Variants in ATOSB observed in about 807,000 individuals in gnomAD.
The protein encoded by ATOSB is atos homolog B.
chr9:35,105,613 G>T, the ATOSB span: 1 of 1,515,264 alleles, frequency 6.6e-7, no homozygotes, highest in Non-Finnish European at 9.1e-7. The surrounding 1 kb of genome is among the most constrained non-coding windows in gnomAD (Gnocchi z 5.5). Flanking sequence ...CAGTATCGAA[G>T]CAAGGAGAGA....
chr9:35,111,592 G>T, the ATOSB span: 20 of 151,062 alleles, frequency 1.3e-4, no homozygotes, highest in African/African-American at 4.9e-4. Context: ...AGCTGATGGG[G>T]CCGCCCGCCC....
the ATOSB span, among the ~76,000 whole-genome samples, chr9:35,112,925 C>T: frequency 6.6e-6 from 1 of 152,122 alleles, no homozygotes; most frequent in Non-Finnish European, 1.5e-5. Flanking sequence ...ACTTGGGAGA[C>T]ACAAGCAAGT....
the ATOSB span, among the ~76,000 whole-genome samples, chr9:35,115,193 G>C: frequency 2.6e-5 from 4 of 152,154 alleles, no homozygotes; most frequent in African/African-American, 9.6e-5. Context: ...ATCCAAAATA[G>C]ACTGAGGAGA....
At chr9:35,115,676 T>G in the ATOSB span, 1 of 146,538 alleles carries the variant, frequency 6.8e-6, no homozygotes, top group Non-Finnish European at 1.5e-5. Flanking sequence ...TGCACCTTGT[T>G]GCCCACACAT....
At chr9:35,106,034 C>G in the ATOSB span, 1 of 1,607,016 alleles carries the variant, frequency 6.2e-7, no homozygotes, top group Non-Finnish European at 8.5e-7. The surrounding 1 kb of genome is among the most constrained non-coding windows in gnomAD (Gnocchi z 4.6). Flanking sequence ...AGCCATCAGT[C>G]AAGGTGGGGA....
the ATOSB span, chr9:35,107,333 AAAAAAAAAAAGT>A: frequency 1.9e-6 from 3 of 1,552,436 alleles, no homozygotes; most frequent in Non-Finnish European, 2.6e-6. Context: ...AAAAAAAAAA[AAAAAAAAAAAGT>A]AAAAAAAGAG....
chr9:35,110,701 G>A, the ATOSB span: 1 of 152,284 alleles, frequency 6.6e-6, no homozygotes, highest in Admixed American at 6.5e-5. Flanking sequence ...AGGGAGCAAG[G>A]CCAGCAAAAA....
At chr9:35,106,862 C>G in the ATOSB span, 3 of 1,573,152 alleles carry the variant, frequency 1.9e-6, no homozygotes, top group Non-Finnish European at 2.6e-6. The surrounding 1 kb of genome is among the most constrained non-coding windows in gnomAD (Gnocchi z 4.6). Context: ...CTTTCAGCCT[C>G]CGCCCCATGG....
At chr9:35,107,682 C>T in the ATOSB span, 8 of 1,609,434 alleles carry the variant, frequency 5.0e-6, no homozygotes, top group Non-Finnish European at 6.8e-6. Context: ...TGGGCTCTTA[C>T]CCCCTATTTG....
chr9:35,112,285 G>C, the ATOSB span: 1 of 117,810 alleles, frequency 8.5e-6, no homozygotes. Flanking sequence ...TTGTGCCTCT[G>C]AACTCCCTTT....
At chr9:35,114,915 T>A in the ATOSB span, among the ~76,000 whole-genome samples, 1 of 151,996 alleles carries the variant, frequency 6.6e-6, no homozygotes, top group African/African-American at 2.4e-5. Flanking sequence ...TGCCGCTGGT[T>A]ACCAGGGTCT....
At chr9:35,113,106 A>G in the ATOSB span, among the ~76,000 whole-genome samples, 1 of 152,234 alleles carries the variant, frequency 6.6e-6, no homozygotes, top group African/African-American at 2.4e-5. Context: ...ACAGTGTATC[A>G]ATGTAAGAGC....
At chr9:35,108,619 C>G in the ATOSB span, 1 of 1,071,704 alleles carries the variant, frequency 9.3e-7, no homozygotes, top group Non-Finnish European at 1.1e-6. Context: ...TCAAGCCTAG[C>G]TGTGCGTCCC....
At chr9:35,108,824 G>T in the ATOSB span, 1 of 298,290 alleles carries the variant, frequency 3.4e-6, no homozygotes, top group Non-Finnish European at 5.0e-6. Context: ...GTACACTCCA[G>T]GACATCCTTC....
At chr9:35,104,126 G>C in the ATOSB span, 4 of 152,522 alleles carry the variant, frequency 2.6e-5, no homozygotes, top group Non-Finnish European at 4.4e-5. Context: ...CTTAGTTCAA[G>C]TTTCCAAACA....
the ATOSB span, chr9:35,107,790 G>A: frequency 3.8e-6 from 6 of 1,571,694 alleles, no homozygotes; most frequent in South Asian, 1.2e-5. Flanking sequence ...TGGATCTGGG[G>A]AGGCCCAGTC....
chr9:35,106,299 C>T, the ATOSB span: 7 of 1,614,166 alleles, frequency 4.3e-6, no homozygotes, highest in Non-Finnish European at 5.9e-6. The surrounding 1 kb of genome is among the most constrained non-coding windows in gnomAD (Gnocchi z 4.6). Flanking sequence ...AAGAATGTGA[C>T]AGTGACAGGC....
chr9:35,106,216 T>G, the ATOSB span: 1 of 1,611,760 alleles, frequency 6.2e-7, no homozygotes, highest in African/African-American at 1.3e-5. This position sits in a 1 kb window ranked among gnomAD's most constrained non-coding sequence, Gnocchi z 4.6. Context: ...CTCATCCTCT[T>G]GATGAGCTGA....
At chr9:35,106,643 C>T in the ATOSB span, 1 of 1,549,562 alleles carries the variant, frequency 6.5e-7, no homozygotes, top group Non-Finnish European at 8.7e-7. This position sits in a 1 kb window ranked among gnomAD's most constrained non-coding sequence, Gnocchi z 4.6. Flanking sequence ...GAAGGGGGCT[C>T]CTGGTAGAGG....
Sources: allele counts gnomAD v4.1 joint callset (sites outside exome capture counted in the v4.1 genomes callset), GRCh38; gene constraint gnomAD v4.1.1; non-coding constraint Gnocchi (gnomAD v3.1); transcripts MANE v1.5; gene names NCBI Gene and HGNC (gene_info 2026-07-23, HGNC 2026-07-21).